Variants in KIAA0753 observed in about 807,000 individuals in gnomAD.
The protein encoded by KIAA0753 is KIAA0753.
Under a neutral mutation model 116.9 loss-of-function variants are expected in KIAA0753, and 114 were observed. The ratio of observed to expected loss-of-function variants is 0.98; its 90% CI spans 0.84 to 1.14. KIAA0753 has a LOEUF of 1.14. Among genes scored for constraint, KIAA0753 ranks in the 50% most tolerant of loss-of-function variants. The pLI is 0.00. For missense variants in KIAA0753, 1,156 were observed against 1,172.4 expected, an observed-to-expected ratio of 0.99 and a Z score of 0.20; for synonymous variants, 405 against 413.1, an observed-to-expected ratio of 0.98 and a Z score of 0.24.
At chr17:6,590,042 T>C in intron 17 of KIAA0753, 39 bp from the exon 18 acceptor site, 1 of 1,431,346 alleles carries the variant, frequency 7.0e-7, no homozygotes, top group Non-Finnish European at 9.4e-7. Flanking sequence ...TTCAAGATCA[T>C]CTGTAAGCAA....
At position 6,610,118 on chromosome 17, in the gene KIAA0753, T is replaced by C. The variant is rs1272759303; in HGVS notation, c.1588A>G (p.Ser530Gly). The C allele has an allele frequency of 6.2e-7, 1 of 1,614,060 alleles. No individual in the cohort carries two copies. The highest frequency in any genetic ancestry group is 2.2e-5 in the East Asian group (1 of 44,904). ...AERGRQSQPH[S>G]KSRVQQTTVS... ...GTTGTCTGCTGCACTCTGCTTTTACTGTGAGGTTGGCTTTGTCTACCTCTT... is the reference window on the plus strand; with the variant it reads ...GTTGTCTGCTGCACTCTGCTTTTACCGTGAGGTTGGCTTTGTCTACCTCTT... The change falls in exon 9 of 19, where the codon AGT becomes GGT. Residue 530 changes from serine to glycine, a missense_variant. By Grantham distance (56) the Ser-to-Gly change is moderately conservative. Coordinates refer to ENST00000361413, the MANE Select transcript of KIAA0753 (RefSeq NM_014804.3).
At chr17:6,592,084 C>A (rs1460493916) in intron 16 of KIAA0753, among the ~76,000 whole-genome samples, 1 of 152,150 alleles carries the variant, frequency 6.6e-6, no homozygotes, top group Admixed American at 6.6e-5. Context: ...TTGAGCCTGG[C>A]CTTGAAGAAC....
At chr17:6,585,073 T>C (rs988609644) in intron 18 of KIAA0753, among the ~76,000 whole-genome samples, 15 of 152,180 alleles carry the variant, frequency 9.9e-5, no homozygotes, top group African/African-American at 3.6e-4. Flanking sequence ...AGATTAGATG[T>C]GAGCCACCAT....
At chr17:6,624,536 CCACACACACACACACACACACACA>C (rs55849399) in intron 4 of KIAA0753, among the ~76,000 whole-genome samples, 195 bp downstream of exon 4, 1 of 143,910 alleles carries the variant, frequency 6.9e-6, no homozygotes, top group Non-Finnish European at 1.5e-5. Flanking sequence ...GAGTTTGGCG[CCACACACACACACACACACACACA>C]CACACACACA....
intron 1 of KIAA0753, chr17:6,640,379 C>A (rs574877999): frequency 6.5e-6 from 1 of 152,972 alleles, no homozygotes; most frequent in Admixed American, 6.5e-5. Context: ...CACCTCGCTC[C>A]CTAAGCTGCT....
chr17:6,618,252 G>A (rs185246226), intron 7 of KIAA0753, among the ~76,000 whole-genome samples: 125 of 152,268 alleles, frequency 8.2e-4, no homozygotes, highest in African/African-American at 8.4e-4. Flanking sequence ...TTTGTCCTAC[G>A]CATCTCTTCC....
intron 7 of KIAA0753, among the ~76,000 whole-genome samples, chr17:6,612,746 T>C (rs554929366): frequency 1.3e-5 from 2 of 152,274 alleles, no homozygotes; most frequent in East Asian, 1.9e-4. Flanking sequence ...CAGCCACCTA[T>C]AATCCCAGCT....
chr17:6,628,918 C>T (rs1420286743), intron 2 of KIAA0753, among the ~76,000 whole-genome samples, 177 bp from the exon 3 acceptor site: 1 of 152,164 alleles, frequency 6.6e-6, no homozygotes, highest in East Asian at 1.9e-4. Flanking sequence ...CATCACATAC[C>T]CCTGGTTCTA....
intron 7 of KIAA0753, among the ~76,000 whole-genome samples, chr17:6,612,553 G>A (rs1970621841): frequency 1.3e-5 from 2 of 152,136 alleles, no homozygotes; most frequent in African/African-American, 2.4e-5. Flanking sequence ...CCAAAATTGT[G>A]CTTCTCAAAT....
chr17:6,625,984 G>A (rs1398485595), intron 3 of KIAA0753, among the ~76,000 whole-genome samples: 1 of 152,214 alleles, frequency 6.6e-6, no homozygotes, highest in Non-Finnish European at 1.5e-5. Flanking sequence ...TTACAGGTGT[G>A]AGCCACCATG....
In KIAA0753 at chr17:6,620,909, G is replaced by T. The variant is rs1971274387; in HGVS notation, c.1194C>A (p.Ser398Arg). The change falls in exon 7 of 19, where the codon AGC becomes AGA. Residue 398 changes from serine (S) to arginine (R), a missense_variant. Physicochemically the swap from Ser to Arg is moderately radical, Grantham distance 110. Coordinates refer to ENST00000361413, the MANE Select transcript of KIAA0753 (RefSeq NM_014804.3). ...TTGGCCATCTCTCCAAGGCCTTTTG[G>T]CTACCGATAGGAAATCTGCTCCGAA... ...SEIRSRFPIGSQKALERWPST... is the reference protein window; with the variant it reads ...SEIRSRFPIGRQKALERWPST... 2.5e-6 allele frequency: 4 copies of T among 1,614,098 alleles called. No homozygotes were observed. Among genetic ancestry groups the T allele is most frequent in the Non-Finnish European group, 3.4e-6 (4 of 1,179,998 alleles).
At position 6,611,964 on chromosome 17, in the gene KIAA0753, A is replaced by T; in HGVS notation, c.1500T>A (p.Asn500Lys). ...KAGKKKPVTE[N>K]VPFRKKDTLA... ...GAGTATCTTTCTTCCTAAACGGCAC[A>T]TTCTCAGTCACAGGCTTCTTTTTCC... Residue 500 changes from asparagine (N) to lysine (K), a missense_variant, in exon 8 of 19, where the codon AAT becomes AAA. By Grantham distance (94) the Asn-to-Lys change is moderately conservative. Coordinates refer to ENST00000361413, the MANE Select transcript of KIAA0753 (RefSeq NM_014804.3). 1 of 1,614,142 alleles carries T rather than the reference A, an allele frequency of 6.2e-7. No individual in the cohort carries two copies. Among genetic ancestry groups the T allele is most frequent in the Non-Finnish European group, 8.5e-7 (1 of 1,180,016 alleles).
At chr17:6,603,864 C>A (rs1970027171) in intron 12 of KIAA0753, among the ~76,000 whole-genome samples, 1 of 152,226 alleles carries the variant, frequency 6.6e-6, no homozygotes, top group African/African-American at 2.4e-5. Context: ...CAGCCAAACA[C>A]TGCAGAAAAA....
chr17:6,594,687 T>C (rs1472317987), intron 16 of KIAA0753, among the ~76,000 whole-genome samples: 3 of 152,054 alleles, frequency 2.0e-5, no homozygotes, highest in Non-Finnish European at 2.9e-5. Flanking sequence ...AATTTTATCT[T>C]GAAAAAAAGA....
intron 8 of KIAA0753, 109 bp from the exon 9 acceptor site, chr17:6,610,269 T>C: frequency 5.3e-6 from 6 of 1,141,818 alleles, no homozygotes; most frequent in Middle Eastern, 2.2e-4. Flanking sequence ...ATGCATCCAT[T>C]CGGTAAAACC....
intron 1 of KIAA0753, chr17:6,638,080 C>T (rs1972447081): frequency 6.6e-6 from 1 of 152,662 alleles, no homozygotes; most frequent in African/African-American, 2.4e-5. Context: ...AGTCTGTCTC[C>T]TCCCCCATGG....
intron 10 of KIAA0753, 106 bp from the exon 11 acceptor site, chr17:6,607,376 A>G (rs1970263091): frequency 3.6e-6 from 3 of 839,568 alleles, no homozygotes; most frequent in East Asian, 2.4e-5. Flanking sequence ...CAGAGCACCA[A>G]TCCAGGCTCT....
At chr17:6,590,390 G>A (rs534554163) in intron 17 of KIAA0753, 120 bp downstream of exon 17, 36 of 1,215,532 alleles carry the variant, frequency 3.0e-5, no homozygotes, top group Non-Finnish European at 4.1e-5. Flanking sequence ...TTGGAGTTTG[G>A]CAAGATCTTG....
chr17:6,594,283 C>T (rs770275354), intron 16 of KIAA0753, among the ~76,000 whole-genome samples: 9,882 of 149,870 alleles, frequency 0.066, 610 homozygotes, highest in African/African-American at 0.15. Context: ...TCTGACCCCC[C>T]CCCCCAGAAC....
Sources: gnomAD v4.1 joint callset for allele counts (sites outside exome capture counted in the v4.1 genomes callset) on GRCh38, gnomAD v4.1.1 for gene constraint, MANE v1.5 for transcripts, NCBI Gene and HGNC (gene_info 2026-07-23, HGNC 2026-07-21) for gene names.